STXBP5L: variants seen among roughly 807,000 people sequenced by gnomAD.
STXBP5L encodes syntaxin binding protein 5L.
STXBP5L carries 65 observed loss-of-function variants against 144.5 expected under a neutral mutation model. The observed-to-expected ratio is 0.45, with a 90% CI of 0.37 to 0.55. The LOEUF is 0.55. Among genes scored for constraint, STXBP5L ranks in the 20% least tolerant of loss-of-function variants. STXBP5L has a pLI of 0.00. For missense variants in STXBP5L, 1,298 were observed against 1,405.5 expected (o/e 0.92, Z 1.22); for synonymous variants, 505 against 469.6 (o/e 1.08, Z -0.97).
chr3:121,418,826 C>T (rs1308670028), intron 26 of STXBP5L, among the ~76,000 whole-genome samples: 1 of 152,148 alleles, frequency 6.6e-6, no homozygotes, highest in Non-Finnish European at 1.5e-5. Flanking sequence ...GGATCCACAT[C>T]CTCCATTTTG....
chr3:120,998,983 T>C (rs774087034), intron 3 of STXBP5L, among the ~76,000 whole-genome samples: 5 of 152,156 alleles, frequency 3.3e-5, no homozygotes, highest in Admixed American at 6.6e-5. Flanking sequence ...TCAAAAATCA[T>C]TGAGGAGTAG....
intron 18 of STXBP5L, among the ~76,000 whole-genome samples, chr3:121,266,789 C>T (rs1268850086): frequency 6.6e-6 from 1 of 152,130 alleles, no homozygotes; most frequent in Non-Finnish European, 1.5e-5. Context: ...TGGCAGGATA[C>T]AAAATCAGTG....
intron 9 of STXBP5L, among the ~76,000 whole-genome samples, chr3:121,196,929 C>A (rs898669244): frequency 1.3e-5 from 2 of 152,094 alleles, no homozygotes; most frequent in Admixed American, 6.6e-5. Context: ...GCAATCTTTC[C>A]ACCCCAGCCT....
intron 19 of STXBP5L, among the ~76,000 whole-genome samples, chr3:121,310,353 G>C (rs370430973): frequency 6.6e-6 from 1 of 151,722 alleles, no homozygotes; most frequent in Admixed American, 6.6e-5. Flanking sequence ...GCTCACGCCT[G>C]TACTCCCATC....
intron 22 of STXBP5L, among the ~76,000 whole-genome samples, chr3:121,381,814 C>A (rs2046331109): frequency 6.6e-6 from 1 of 152,048 alleles, no homozygotes; most frequent in Admixed American, 6.6e-5. Flanking sequence ...CTGAGGAAAA[C>A]CTTAATGCAA....
chr3:121,343,332 A>C (rs2044808038), intron 20 of STXBP5L, among the ~76,000 whole-genome samples: 1 of 151,572 alleles, frequency 6.6e-6, no homozygotes, highest in Non-Finnish European at 1.5e-5. Context: ...TGCTGTGCAG[A>C]AGCTCTTTAC....
chr3:121,083,303 C>T (rs2042337153), intron 5 of STXBP5L, among the ~76,000 whole-genome samples: 1 of 152,156 alleles, frequency 6.6e-6, no homozygotes, highest in African/African-American at 2.4e-5. Context: ...GGTTTGTTCT[C>T]AGGTAGTCTT....
At chr3:120,929,722 G>C (rs1020532781) in intron 2 of STXBP5L, among the ~76,000 whole-genome samples, 1 of 152,044 alleles carries the variant, frequency 6.6e-6, no homozygotes, top group South Asian at 2.1e-4. Flanking sequence ...TCACCTAGTA[G>C]TATATAACTG....
chr3:121,024,732 TACA>T (rs1370498359), intron 3 of STXBP5L, among the ~76,000 whole-genome samples: 3 of 152,200 alleles, frequency 2.0e-5, no homozygotes, highest in Non-Finnish European at 4.4e-5. Flanking sequence ...TTTCCTTCTC[TACA>T]ACATCTATTC....
At chr3:121,227,831 T>G (rs1487880709) in intron 11 of STXBP5L, among the ~76,000 whole-genome samples, 3 of 152,174 alleles carry the variant, frequency 2.0e-5, no homozygotes, top group Non-Finnish European at 2.9e-5. Context: ...CACTTTTTAA[T>G]AAAGCCACAA....
chr3:121,381,635 G>A, intron 22 of STXBP5L, 103 bp downstream of exon 22: 1 of 1,443,796 alleles, frequency 6.9e-7, no homozygotes, highest in Non-Finnish European at 9.3e-7. Flanking sequence ...AAGGTTATAA[G>A]TATTCTGCAC....
intron 10 of STXBP5L, among the ~76,000 whole-genome samples, chr3:121,211,324 T>G (rs572904083): frequency 3.9e-4 from 59 of 152,318 alleles, no homozygotes; most frequent in African/African-American, 1.2e-3. Flanking sequence ...AAGGAGATTT[T>G]GGGCTGAGAC....
At chr3:121,115,115 A>G (rs1293320015) in intron 6 of STXBP5L, 56 bp downstream of exon 6, 1 of 1,506,058 alleles carries the variant, frequency 6.6e-7, no homozygotes, top group East Asian at 2.5e-5. Flanking sequence ...ACAGTTATGT[A>G]ACATGTAGGT....
chr3:120,973,126 A>T (rs1400163996), intron 3 of STXBP5L, among the ~76,000 whole-genome samples: 1 of 152,102 alleles, frequency 6.6e-6, no homozygotes, highest in African/African-American at 2.4e-5. Flanking sequence ...ATATTTTGGC[A>T]TAACTTTAGT....
chr3:121,306,362 A>G (rs1381505513), intron 19 of STXBP5L, among the ~76,000 whole-genome samples: 3 of 152,142 alleles, frequency 2.0e-5, no homozygotes, highest in Non-Finnish European at 4.4e-5. Flanking sequence ...TTCCCCAATG[A>G]CAGGACAGAA....
chr3:121,388,558 A>T (rs922077468), intron 22 of STXBP5L, among the ~76,000 whole-genome samples: 1 of 152,104 alleles, frequency 6.6e-6, no homozygotes, highest in Non-Finnish European at 1.5e-5. Context: ...TTATTTTGAG[A>T]TATGTTCCAT....
intron 2 of STXBP5L, among the ~76,000 whole-genome samples, chr3:120,946,972 C>T (rs956698819): frequency 2.6e-5 from 4 of 151,562 alleles, no homozygotes; most frequent in African/African-American, 9.7e-5. Context: ...TATGACTAGC[C>T]CTCCCACATA....
intron 11 of STXBP5L, among the ~76,000 whole-genome samples, 149 bp from the exon 12 acceptor site, chr3:121,233,458 TTTTTTTAAG>T (rs531234259): frequency 3.7e-4 from 57 of 152,308 alleles, no homozygotes; most frequent in African/African-American, 1.3e-3. Flanking sequence ...GAAGCACAAC[TTTTTTTAAG>T]TGCTCTTTGT....
At chr3:121,298,423 A>AT (rs1007776781) in intron 19 of STXBP5L, among the ~76,000 whole-genome samples, 8 of 152,218 alleles carry the variant, frequency 5.3e-5, no homozygotes, top group African/African-American at 1.9e-4. Context: ...TTAGCAAAGA[A>AT]TTCTTGAATG....
Sources: gnomAD v4.1 joint callset for allele counts (sites outside exome capture counted in the v4.1 genomes callset) on GRCh38, gnomAD v4.1.1 for gene constraint, MANE v1.5 for transcripts, NCBI Gene and HGNC (gene_info 2026-07-23, HGNC 2026-07-21) for gene names.